LRCH2: variants seen among roughly 807,000 people sequenced by gnomAD.
LRCH2 encodes the protein leucine-rich repeat and calponin homology domain-containing protein 2.
In LRCH2, 38 loss-of-function variants were observed where a neutral mutation model predicts 68.9. That is an observed-to-expected ratio of 0.55 (90% CI 0.43 to 0.72). LRCH2 has a LOEUF of 0.72. Ranked by LOEUF, LRCH2 falls within the 30% of genes least tolerant of loss-of-function variation. LRCH2 has a pLI of 0.00. For synonymous variants in LRCH2, 191 were observed against 208.1 expected (o/e 0.92, Z 0.71); for missense variants, 528 against 572.9 (o/e 0.92, Z 0.80).
chrX:115,124,121 T>C, intron 16 of LRCH2, 119 bp from the exon 17 acceptor site: 1 of 362,462 alleles, frequency 2.8e-6, no homozygotes, highest in Non-Finnish European at 4.5e-6. Flanking sequence ...TTCCTATGAT[T>C]AGTGAAGAGA....
chrX:115,129,915 G>A (rs906964164), intron 15 of LRCH2, among the ~76,000 whole-genome samples: 4 of 110,786 alleles, frequency 3.6e-5, no homozygotes, highest in Non-Finnish European at 5.7e-5. Flanking sequence ...GGTCTAAGAC[G>A]AATGATGATA....
intron 20 of LRCH2, among the ~76,000 whole-genome samples, chrX:115,121,599 G>A (rs931247357): frequency 3.6e-5 from 4 of 112,305 alleles, no homozygotes; most frequent in Non-Finnish European, 7.5e-5. Flanking sequence ...GCAGTGAGAC[G>A]AGATCGTGCC....
chrX:115,170,194 G>T, intron 6 of LRCH2, 105 bp downstream of exon 6: 1 of 782,540 alleles, frequency 1.3e-6, no homozygotes, highest in Non-Finnish European at 1.7e-6. Flanking sequence ...TTTAGTGCTG[G>T]ACCAATCAGC....
Position 115,185,388 on chromosome X carries a change from T to C in LRCH2, c.495-851A>G, listed in dbSNP as rs781937462. 8.9e-5 allele frequency among the ~76,000 whole-genome samples: 10 copies of C among 112,122 alleles called. No homozygotes were observed. The South Asian group carries it at 3.3e-3, about 37-fold the overall frequency. On this transcript the variant is annotated intron_variant, in intron 2 of 20. Coordinates refer to ENST00000317135, the MANE Select transcript of LRCH2 (RefSeq NM_020871.4). ...AGGCAGGATTCAAACTCAGGCAATC[T>C]GGCTCTGGGGTCTTTGCCCTCAAAG...
rs782583976 is a variant in LRCH2 at position 115,124,232 on chromosome X, T to C, written c.1792-230A>G. Among the ~76,000 whole-genome samples the C allele has an allele frequency of 5.4e-5, 6 of 111,704 alleles. No homozygotes were observed. In the East Asian group the frequency reaches 1.1e-3, roughly 21 times the overall value. On this transcript the variant is annotated intron_variant, in intron 16 of 20. Transcript: ENST00000317135. Reference sequence around the variant, plus strand: ...ACCATATAGGCTTTAAATACTTTCATAGTAGAAAGAAAATGAAAATCATTA... The same window carrying C: ...ACCATATAGGCTTTAAATACTTTCACAGTAGAAAGAAAATGAAAATCATTA...
rs2072050663 is a variant in LRCH2 at position 115,112,487 on chromosome X, T to A, written c.*729A>T. The A allele has an allele frequency of 8.9e-6, 1 of 111,939 alleles. No individual in the cohort carries two copies. The highest frequency in any genetic ancestry group is 1.9e-5 in the Non-Finnish European group (1 of 52,928). The allele number at this position is 111,939 out of a possible 1,213,427, so 9.2% of individuals were successfully genotyped here. A position where few individuals can be genotyped will look rare whatever the true frequency, so the allele number is the denominator to read the frequency against. On this transcript the variant is annotated 3_prime_UTR_variant, in exon 21 of 21. Transcript: ENST00000317135. ...TGGACTAACTAAAAAACCACAAATG[T>A]CACAATGTGAGGCTCATTTAAATCC... is the stretch of plus-strand genomic sequence containing the variant.
intron 15 of LRCH2, among the ~76,000 whole-genome samples, 192 bp from the exon 16 acceptor site, chrX:115,127,085 A>C (rs1234579984): frequency 8.9e-6 from 1 of 111,736 alleles, no homozygotes; most frequent in Non-Finnish European, 1.9e-5. Flanking sequence ...GGAGTTTAGA[A>C]ATGCAGAATC....
intron 14 of LRCH2, among the ~76,000 whole-genome samples, chrX:115,143,622 T>C (rs2072357820): frequency 9.0e-6 from 1 of 111,459 alleles, no homozygotes; most frequent in Admixed American, 9.6e-5. Context: ...ACTGGCAAAC[T>C]GATTCTACAA....
intron 14 of LRCH2, among the ~76,000 whole-genome samples, chrX:115,143,402 A>G (rs1455234687): frequency 9.0e-6 from 1 of 111,422 alleles, no homozygotes; most frequent in Non-Finnish European, 1.9e-5. Context: ...AAATTCCTAG[A>G]CACATAAAAC....
At chrX:115,136,851 G>A (rs113995972) in intron 14 of LRCH2, among the ~76,000 whole-genome samples, 1,574 of 112,095 alleles carry the variant, frequency 0.014, 28 homozygotes, top group African/African-American at 0.048. Context: ...CAGTTTTACA[G>A]ATTTAAGAGA....
chrX:115,201,155 A>G (rs2072927354), intron 1 of LRCH2, among the ~76,000 whole-genome samples: 1 of 110,614 alleles, frequency 9.0e-6, no homozygotes, highest in African/African-American at 3.3e-5. Flanking sequence ...TTTTGAAACC[A>G]TCAGATGTCA....
chrX:115,181,642 AGAAAATATTCCAATGACAGGGAATATCC>A (rs1472425036), intron 3 of LRCH2, among the ~76,000 whole-genome samples: 1 of 112,309 alleles, frequency 8.9e-6, no homozygotes, highest in African/African-American at 3.2e-5. Context: ...AAGTATCAAG[AGAAAATATTCCAATGACAGGGAATATCC>A]ACCAATTCAA....
At chrX:115,163,814 AAAGT>A (rs1556543224) in intron 10 of LRCH2, 31 bp from the exon 11 acceptor site, 1 of 1,045,313 alleles carries the variant, frequency 9.6e-7, no homozygotes, top group African/African-American at 1.8e-5. Flanking sequence ...GGTTATCCAA[AAAGT>A]AAGGCAGACT....
At chrX:115,130,943 C>A (rs1327702563) in intron 14 of LRCH2, among the ~76,000 whole-genome samples, 3 of 111,389 alleles carry the variant, frequency 2.7e-5, no homozygotes, top group Non-Finnish European at 5.7e-5. Context: ...AATGATCCTG[C>A]AAATCAGTGG....
chrX:115,154,355 A>C (rs781938176), intron 12 of LRCH2, among the ~76,000 whole-genome samples: 2 of 111,997 alleles, frequency 1.8e-5, no homozygotes, highest in Non-Finnish European at 3.8e-5. Context: ...AGAAAACAGA[A>C]AATAGGTAAG....
chrX:115,198,981 T>C (rs990952735), intron 1 of LRCH2, among the ~76,000 whole-genome samples: 8 of 111,629 alleles, frequency 7.2e-5, no homozygotes, highest in African/African-American at 1.3e-4. Context: ...TATCCAGCAA[T>C]AAGCTTCATA....
chrX:115,166,319 T>C lies in LRCH2; in HGVS notation c.1022A>G (p.Lys341Arg). Residue 341 changes from lysine (K) to arginine (R), a missense_variant, in exon 7 of 21, where the codon AAA (lysine) becomes AGA (arginine). Transcript: ENST00000317135. ...AATTCCAGAGTCAGGGCCATGATTT[T>C]TATTTGGATAAAAATCTTCCATACT... is the stretch of plus-strand genomic sequence containing the variant. ...TDSMEDFYPN[K>R]NHGPDSGIGS... The C allele has an allele frequency of 8.4e-7, 1 of 1,187,190 alleles. No homozygotes were observed. The highest frequency in any genetic ancestry group is 1.1e-6 in the Non-Finnish European group (1 of 876,507).
chrX:115,153,145 C>CAA lies in LRCH2; in HGVS notation c.1530-3077_1530-3076dup, dbSNP rs782365745. On this transcript the variant is annotated intron_variant, in intron 12 of 20. Transcript: ENST00000317135. ...GCAACATAGTGAGACCCTGTCTCTACAAAAAAAAAAAAAAAAAAATGTTTA... is the reference window on the plus strand; with the variant it reads ...GCAACATAGTGAGACCCTGTCTCTACAAAAAAAAAAAAAAAAAAAAATGTTTA... Among the ~76,000 whole-genome samples, 9 of 31,252 alleles carry CAA rather than the reference C, an allele frequency of 2.9e-4. No homozygotes were observed. The East Asian group carries it at 6.3e-3, about 22-fold the overall frequency. 27.1% of individuals were successfully genotyped at this position (31,252 alleles called of 115,157 possible).
At chrX:115,116,411 G>A (rs1173657302) in intron 20 of LRCH2, among the ~76,000 whole-genome samples, 1 of 110,866 alleles carries the variant, frequency 9.0e-6, no homozygotes, top group Non-Finnish European at 1.9e-5. Context: ...ACAAATGGAT[G>A]AACCTTGGAA....
Sources: allele counts gnomAD v4.1 joint callset (sites outside exome capture counted in the v4.1 genomes callset), GRCh38; gene constraint gnomAD v4.1.1; transcripts MANE v1.5; gene names NCBI Gene and HGNC (gene_info 2026-07-23, HGNC 2026-07-21).